ESR1: variants seen among roughly 807,000 people sequenced by gnomAD.
ESR1 encodes estrogen receptor 1.
A neutral mutation model predicts 52.7 loss-of-function variants in ESR1; 12 were observed. The observed-to-expected ratio is 0.23, with a 90% CI of 0.15 to 0.37. The LOEUF is 0.37. ESR1 is among the 10% of genes least tolerant of loss of function. The pLI is 1.00. For synonymous variants in ESR1, 305 were observed against 316.8 expected (o/e 0.96, Z 0.39); for missense variants, 584 against 779.7 (o/e 0.75, Z 2.99).
At chr6:151,761,860 C>T (rs915400629) in intron 2 of ESR1, among the ~76,000 whole-genome samples, 1 of 152,186 alleles carries the variant, frequency 6.6e-6, no homozygotes, top group African/African-American at 2.4e-5. Flanking sequence ...GGCCGGGCCC[C>T]ACCCTCAGAA....
At chr6:151,844,948 A>G (rs532121370) in intron 2 of ESR1, among the ~76,000 whole-genome samples, 1 of 152,200 alleles carries the variant, frequency 6.6e-6, no homozygotes, top group African/African-American at 2.4e-5. Flanking sequence ...CCTGTATGAG[A>G]AAGATAAGGA....
chr6:151,830,875 TAAAG>T (rs1167703016), intron 1 of ESR1, among the ~76,000 whole-genome samples: 1 of 152,180 alleles, frequency 6.6e-6, no homozygotes, highest in Non-Finnish European at 1.5e-5. Flanking sequence ...TCTTTGTGCA[TAAAG>T]AATTTCAGAA....
intron 2 of ESR1, among the ~76,000 whole-genome samples, chr6:151,744,992 A>G (rs542638131): frequency 6.6e-6 from 1 of 152,306 alleles, no homozygotes; most frequent in East Asian, 1.9e-4. Context: ...TGTCTTGTCC[A>G]GGCTGTTGAA....
chr6:152,001,178 T>C (rs2041915054), intron 4 of ESR1, among the ~76,000 whole-genome samples: 1 of 151,974 alleles, frequency 6.6e-6, no homozygotes, highest in South Asian at 2.1e-4. Flanking sequence ...GTTCCTATAA[T>C]AGAATACCTG....
intron 1 of ESR1, among the ~76,000 whole-genome samples, chr6:151,693,025 T>C (rs1302559483): frequency 6.6e-6 from 1 of 152,138 alleles, no homozygotes; most frequent in Non-Finnish European, 1.5e-5. Context: ...CTCCCACCAC[T>C]CTCTAGCTGT....
At chr6:152,021,488 G>A (rs185835324) in intron 5 of ESR1, among the ~76,000 whole-genome samples, 16 of 152,254 alleles carry the variant, frequency 1.1e-4, no homozygotes, top group Admixed American at 9.8e-4. Flanking sequence ...ATAGAAAGGA[G>A]ATATAGAAAA....
At chr6:151,731,082 G>A (rs146941530) in intron 2 of ESR1, among the ~76,000 whole-genome samples, 1,614 of 152,154 alleles carry the variant, frequency 0.011, 26 homozygotes, top group African/African-American at 0.036. Context: ...CAGGCTGGAC[G>A]CAGTGGCCAT....
At chr6:151,969,221 C>A (rs1193193681) in intron 4 of ESR1, among the ~76,000 whole-genome samples, 7 of 152,130 alleles carry the variant, frequency 4.6e-5, no homozygotes, top group African/African-American at 1.7e-4. Context: ...CAATCCATCC[C>A]ATCTGTTTCC....
intron 6 of ESR1, among the ~76,000 whole-genome samples, chr6:152,119,093 A>G (rs1252145507): frequency 1.3e-5 from 2 of 152,180 alleles, no homozygotes; most frequent in Admixed American, 1.3e-4. Context: ...GCTTTTCTGG[A>G]CACGATTAGC....
In ESR1 at chr6:151,850,081, T is replaced by A. The variant is rs377731176; in HGVS notation, c.643+7294T>A. Among the ~76,000 whole-genome samples the A allele has an allele frequency of 1.1e-3, 65 of 57,760 alleles. 1 individual carries two copies. The highest frequency in any genetic ancestry group is 2.5e-3 in the South Asian group (5 of 2,008). 37.9% of individuals were successfully genotyped at this position (57,760 alleles called of 152,430 possible). A position where few individuals can be genotyped will look rare whatever the true frequency, so the allele number is the denominator to read the frequency against. ...ATAATTTTATATATATATAAAAAAT[T>A]ATATATATATAATTTTATATATATA... On this transcript the variant is annotated intron_variant, in intron 2 of 7. Transcript: ENST00000206249.
intron 1 of ESR1, among the ~76,000 whole-genome samples, chr6:151,812,373 T>C (rs565986586): frequency 6.6e-6 from 1 of 152,322 alleles, no homozygotes; most frequent in South Asian, 2.1e-4. Flanking sequence ...ATGATGATTA[T>C]ATGAAATCTT....
intron 3 of ESR1, among the ~76,000 whole-genome samples, chr6:151,882,966 A>T (rs1361530175): frequency 6.6e-6 from 1 of 152,184 alleles, no homozygotes; most frequent in Admixed American, 6.6e-5. Context: ...TATATTGATG[A>T]CTGTAAAATA....
intron 2 of ESR1, among the ~76,000 whole-genome samples, chr6:151,706,957 A>G (rs1463280940): frequency 6.6e-6 from 1 of 152,184 alleles, no homozygotes; most frequent in East Asian, 1.9e-4. Context: ...CAGGGTTTAT[A>G]TGACACTGGC....
intron 3 of ESR1, among the ~76,000 whole-genome samples, chr6:151,890,917 G>T (rs1422777481): frequency 6.6e-6 from 1 of 151,652 alleles, no homozygotes; most frequent in Non-Finnish European, 1.5e-5. Flanking sequence ...CATATAACAG[G>T]GTCTTGTTTT....
Position 151,971,842 on chromosome 6 carries a change from A to G in ESR1, c.1096+27334A>G, listed in dbSNP as rs529972941. Among the ~76,000 whole-genome samples, 35 of 152,294 alleles carry G rather than the reference A, an allele frequency of 2.3e-4. No homozygotes were observed. In the South Asian group the frequency reaches 4.6e-3, roughly 20 times the overall value. On this transcript the variant is annotated intron_variant, in intron 4 of 7. Transcript: ENST00000206249. Reference sequence around the variant, plus strand: ...CTAAATGAAATTGAAACAAACAACAACAATAAAAAAGATAAATGAAACAAA... The same window carrying G: ...CTAAATGAAATTGAAACAAACAACAGCAATAAAAAAGATAAATGAAACAAA...
chr6:152,120,226 A>C lies in ESR1; in HGVS notation c.851-5040A>C, dbSNP rs144798125. ...TTGTGTGGGATTTCCATACCCCCTG[A>C]AGGGCAAAACTGCTCTGGAGGGAGG... On this transcript the variant is annotated intron_variant, in intron 6 of 6. Transcript: ENST00000427531. 2.3e-4 allele frequency among the ~76,000 whole-genome samples: 35 copies of C among 152,270 alleles called. No homozygotes were observed. In the East Asian group the frequency reaches 4.8e-3, roughly 21 times the overall value.
At chr6:151,686,063 AATT>A (rs1778652588), upstream of ESR1, among the ~76,000 whole-genome samples, 2 of 109,378 alleles carry the variant, frequency 1.8e-5, no homozygotes, top group Admixed American at 9.0e-5. Context: ...TAATTAAAAC[AATT>A]TTTTTTTTTT....
In ESR1 at chr6:152,005,425, C is replaced by G. The variant is rs117692720; in HGVS notation, c.1097-6231C>G. Among the ~76,000 whole-genome samples the G allele has an allele frequency of 1.9e-4, 29 of 151,940 alleles. No homozygotes were observed. In the East Asian group the frequency reaches 4.9e-3, roughly 25 times the overall value. Reference sequence around the variant, plus strand: ...AAAAGAAAAACATAAACAGAAAATACAACATGACATCATGAATGAGGGCAA... The same window carrying G: ...AAAAGAAAAACATAAACAGAAAATAGAACATGACATCATGAATGAGGGCAA... On this transcript the variant is annotated intron_variant, in intron 4 of 7. Transcript: ENST00000206249.
chr6:152,018,531 C>G (rs1403179394), intron 5 of ESR1, among the ~76,000 whole-genome samples: 1 of 151,966 alleles, frequency 6.6e-6, no homozygotes, highest in Admixed American at 6.6e-5. Context: ...AAATTCTCCC[C>G]TCTGAAAAAT....
Sources: gnomAD v4.1 joint callset for allele counts (sites outside exome capture counted in the v4.1 genomes callset) on GRCh38, gnomAD v4.1.1 for gene constraint, MANE v1.5 for transcripts, NCBI Gene and HGNC (gene_info 2026-07-23, HGNC 2026-07-21) for gene names.